DENND5A: variants seen among roughly 807,000 people sequenced by gnomAD.
DENND5A encodes DENN domain containing 5A, also known as DENN domain-containing protein 5A.
DENND5A carries 64 observed loss-of-function variants against 140.3 expected under a neutral mutation model. That is an observed-to-expected ratio of 0.46 (90% confidence interval 0.37 to 0.56). The LOEUF (loss-of-function observed/expected upper bound fraction) is 0.56. Among genes scored for constraint, DENND5A ranks in the 20% least tolerant of loss-of-function variants. DENND5A has a pLI of 0.00. For synonymous variants in DENND5A, 605 were observed against 607.7 expected, an observed-to-expected ratio of 1.00 and a Z score of 0.07; for missense variants, 1,292 against 1,593.8, an observed-to-expected ratio of 0.81 and a Z score of 3.22.
chr11:9,160,759 C>T lies in DENND5A; in HGVS notation c.2390G>A (p.Cys797Tyr). 6.2e-7 allele frequency: 1 copy of T among 1,613,634 alleles called. No homozygotes were observed. The highest frequency in any genetic ancestry group is 8.5e-7 in the Non-Finnish European group (1 of 1,179,618). ...VEENTLIASL[C>Y]DLLERIWSHG... The stretch of plus-strand genomic sequence containing the variant: ...ACTCCAGATCCTTTCCAGGAGATCA[C>T]AAAGGCTGGCAATCAGGGTGTTCTC... Residue 797 changes from cysteine to tyrosine, a missense_variant, in exon 12 of 23, where the codon TGT (cysteine) becomes TAT (tyrosine). Physicochemically the swap from Cys to Tyr is radical, Grantham distance 194. Transcript: ENST00000328194.
At chr11:9,177,721 TA>T (rs35643161) in intron 8 of DENND5A, among the ~76,000 whole-genome samples, 91 of 144,838 alleles carry the variant, frequency 6.3e-4, no homozygotes, top group African/African-American at 7.1e-4. Flanking sequence ...TGACATCATT[TA>T]AAAAAAAAAA....
intron 1 of DENND5A, among the ~76,000 whole-genome samples, chr11:9,232,899 C>T (rs1361101647): frequency 1.3e-5 from 2 of 152,144 alleles, no homozygotes; most frequent in African/African-American, 4.8e-5. Context: ...TGAGAACGAC[C>T]AACCTAAAAC....
chr11:9,162,418 T>C (rs1447379660), intron 11 of DENND5A, among the ~76,000 whole-genome samples: 2 of 151,836 alleles, frequency 1.3e-5, no homozygotes, highest in African/African-American at 4.8e-5. Flanking sequence ...TTTGTATTTT[T>C]AGTAGAGATG....
Position 9,206,765 on chromosome 11 carries a change from T to G in DENND5A, c.199A>C (p.Thr67Pro). ...STTEGENFEQ[T>P]PLRRTFKSKV... ...GATTTGAATGTTCTTCTCAATGGTGTCTGCTCAAAATTTTCTCCTGTAAGA... is the reference window on the plus strand; with the variant it reads ...GATTTGAATGTTCTTCTCAATGGTGGCTGCTCAAAATTTTCTCCTGTAAGA... Residue 67 changes from threonine to proline, a missense_variant, in exon 3 of 23, where the codon ACA (threonine) becomes CCA (proline). Physicochemically the swap from Thr to Pro is conservative, Grantham distance 38. Coordinates refer to ENST00000328194, the MANE Select transcript of DENND5A (RefSeq NM_015213.4). 1 of 1,613,398 alleles carries G rather than the reference T, an allele frequency of 6.2e-7. No individual in the cohort carries two copies. Among genetic ancestry groups the G allele is most frequent in the Non-Finnish European group, 8.5e-7 (1 of 1,179,488 alleles).
intron 1 of DENND5A, among the ~76,000 whole-genome samples, chr11:9,221,472 A>G (rs1399967040): frequency 6.6e-6 from 1 of 152,046 alleles, no homozygotes; most frequent in Non-Finnish European, 1.5e-5. Context: ...AACACTGAAT[A>G]GGTCCCAACC....
intron 1 of DENND5A, among the ~76,000 whole-genome samples, chr11:9,252,163 T>C (rs1056979506): frequency 1.4e-5 from 2 of 144,514 alleles, no homozygotes; most frequent in Non-Finnish European, 3.1e-5. Context: ...CTGGGCATGG[T>C]AGCACGCGCC....
rs777510763 is a variant in DENND5A at position 9,193,719 on chromosome 11, C to G, written c.950-38G>C. The stretch of plus-strand genomic sequence containing the variant: ...CAACAAAAAAAGCACACACACAAAT[C>G]AGTCAAAAACAAGGCACTTGCTTTC... On this transcript the variant is annotated intron_variant, in intron 4 of 22. Transcript: ENST00000328194. The G allele has an allele frequency of 2.6e-6, 4 of 1,536,874 alleles. No homozygotes were observed. In the South Asian group the frequency reaches 3.7e-5, roughly 14 times the overall value.
At chr11:9,195,222 A>G (rs1431671666) in intron 4 of DENND5A, among the ~76,000 whole-genome samples, 1 of 151,800 alleles carries the variant, frequency 6.6e-6, no homozygotes, top group Non-Finnish European at 1.5e-5. Context: ...CTGGGATTAC[A>G]GGCATGCGCC....
At position 9,204,136 on chromosome 11, in the gene DENND5A, T is replaced by C. The variant is rs1564913919; in HGVS notation, c.473A>G (p.Asn158Ser). The C allele has an allele frequency of 4.3e-6, 7 of 1,614,070 alleles. No homozygotes were observed. The East Asian group carries it at 1.1e-4, about 26-fold the overall frequency. ...SAMQTLYHMH[N>S]AEYDVLHAPP... The stretch of plus-strand genomic sequence containing the variant: ...AGCATGTAGGACATCATACTCAGCA[T>C]TGTGCATGTGGTAGAGGGTCTGCAT... Residue 158 changes from asparagine (N) to serine (S), a missense_variant, in exon 4 of 23, where the codon AAT becomes AGT. Physicochemically the swap from Asn to Ser is conservative, Grantham distance 46 (BLOSUM62 1). Transcript: ENST00000328194.
At chr11:9,235,456 C>T (rs748966754) in intron 1 of DENND5A, among the ~76,000 whole-genome samples, 10 of 151,904 alleles carry the variant, frequency 6.6e-5, no homozygotes, top group Non-Finnish European at 1.2e-4. Flanking sequence ...GTCAGAAGTT[C>T]GGGACCAGCT....
Position 9,207,558 on chromosome 11 carries a change from T to C in DENND5A, c.181+3A>G. ...GGTGTTCTCAATTTTGTTTTGTTTT[T>C]ACCTTCAGTCGTACTTGAAATGAAA... is the stretch of plus-strand genomic sequence containing the variant. On this transcript the variant is annotated splice_donor_region_variant and intron_variant, in intron 2 of 22. Coordinates refer to ENST00000328194, the MANE Select transcript of DENND5A (RefSeq NM_015213.4). 11 of 1,611,778 alleles carry C rather than the reference T, an allele frequency of 6.8e-6. No individual in the cohort carries two copies. Among genetic ancestry groups the C allele is most frequent in the Non-Finnish European group, 8.5e-6 (10 of 1,178,156 alleles).
At chr11:9,214,859 G>A (rs1278401684) in intron 1 of DENND5A, among the ~76,000 whole-genome samples, 1 of 152,176 alleles carries the variant, frequency 6.6e-6, no homozygotes, top group Non-Finnish European at 1.5e-5. Flanking sequence ...AACTAGCTGG[G>A]ATTACAGGCG....
At chr11:9,255,864 A>T (rs1022122899) in intron 1 of DENND5A, among the ~76,000 whole-genome samples, 9 of 136,446 alleles carry the variant, frequency 6.6e-5, no homozygotes, top group Non-Finnish European at 1.4e-4. Context: ...GACTCCGTCT[A>T]AAAAAAAAAA....
intron 9 of DENND5A, 53 bp downstream of exon 9, chr11:9,170,574 T>C (rs1281075279): frequency 2.5e-6 from 4 of 1,600,138 alleles, no homozygotes; most frequent in East Asian, 2.2e-5. Context: ...AGATACTAGA[T>C]GACCCTATTA....
chr11:9,164,207 T>A (rs1363264362), intron 11 of DENND5A, among the ~76,000 whole-genome samples: 4 of 33,254 alleles, frequency 1.2e-4, no homozygotes, highest in South Asian at 9.6e-4. Flanking sequence ...TTTTTTTTTT[T>A]TTTTTTTTTT....
In DENND5A at chr11:9,150,884, T is replaced by A. The variant is rs190976981; in HGVS notation, c.2522-120A>T. ...ACAGGTGGTTACACTGGTAACACTT[T>A]AATTGATTGTTTCATAAATATTTAT... On this transcript the variant is annotated intron_variant, in intron 13 of 22. Transcript: ENST00000328194. 5.5e-4 allele frequency: 291 copies of A among 530,642 alleles called. 3 individuals are homozygous for A. The East Asian group carries it at 9.3e-3, about 17-fold the overall frequency. 32.9% of individuals were successfully genotyped at this position (530,642 alleles called of 1,614,324 possible). A position where few individuals can be genotyped will look rare whatever the true frequency, so the allele number is the denominator to read the frequency against.
intron 5 of DENND5A, among the ~76,000 whole-genome samples, chr11:9,191,109 A>G (rs1849108179): frequency 6.6e-6 from 1 of 152,158 alleles, no homozygotes; most frequent in African/African-American, 2.4e-5. Flanking sequence ...CAAGCAGACT[A>G]CAGGGGAGCC....
chr11:9,195,727 A>C (rs1267108019), intron 4 of DENND5A, among the ~76,000 whole-genome samples: 1 of 152,222 alleles, frequency 6.6e-6, no homozygotes, highest in East Asian at 1.9e-4. Context: ...GTTGCCTATC[A>C]CCTTGCTCCT....
intron 5 of DENND5A, among the ~76,000 whole-genome samples, chr11:9,188,279 C>G (rs1318473340): frequency 6.6e-6 from 1 of 152,172 alleles, no homozygotes; most frequent in Non-Finnish European, 1.5e-5. Context: ...TGCCTTCCAC[C>G]ATGATTGTGA....
Sources: allele counts gnomAD v4.1 joint callset (sites outside exome capture counted in the v4.1 genomes callset), GRCh38; gene constraint gnomAD v4.1.1; transcripts MANE v1.5; gene names NCBI Gene and HGNC (gene_info 2026-07-23, HGNC 2026-07-21).